NRXN1: variants seen among roughly 807,000 people sequenced by gnomAD.
NRXN1 encodes the protein neurexin 1.
NRXN1 carries 39 observed loss-of-function variants against 150.9 expected under a neutral mutation model. The ratio of observed to expected loss-of-function variants is 0.26; its 90% confidence interval spans 0.20 to 0.34. The LOEUF is 0.34. Among genes scored for constraint, NRXN1 ranks in the 10% least tolerant of loss-of-function variants. NRXN1 has a pLI of 1.00. For synonymous variants in NRXN1, 924 were observed against 757.0 expected (o/e 1.22, Z -3.62); for missense variants, 1,815 against 1,949.9 (o/e 0.93, Z 1.30).
chr2:50,805,129 T>G (rs1667343329), intron 5 of NRXN1, among the ~76,000 whole-genome samples: 1 of 152,092 alleles, frequency 6.6e-6, no homozygotes, highest in South Asian at 2.1e-4. Context: ...AATATATGTG[T>G]TAGCTGTTAT....
chr2:50,626,268 T>A (rs988114804), intron 5 of NRXN1, among the ~76,000 whole-genome samples: 2 of 150,660 alleles, frequency 1.3e-5, no homozygotes, highest in African/African-American at 2.4e-5. Flanking sequence ...TCAAAAAATT[T>A]AAAAAAACAG....
chr2:50,768,896 G>GAAC (rs552891524), intron 5 of NRXN1, among the ~76,000 whole-genome samples: 363 of 150,470 alleles, frequency 2.4e-3, no homozygotes, highest in Admixed American at 4.8e-3. Flanking sequence ...CAACCACCAC[G>GAAC]AACAACAACA....
intron 18 of NRXN1, among the ~76,000 whole-genome samples, chr2:50,117,225 A>G (rs1310987894): frequency 6.6e-6 from 1 of 152,200 alleles, no homozygotes; most frequent in East Asian, 1.9e-4. Flanking sequence ...ATTGAGGGCC[A>G]TAAAATAATA....
chr2:50,641,335 T>A (rs567561485), intron 5 of NRXN1, among the ~76,000 whole-genome samples: 1 of 152,126 alleles, frequency 6.6e-6, no homozygotes, highest in Non-Finnish European at 1.5e-5. Context: ...CATGTTGGAC[T>A]AATTAAAAAG....
intron 5 of NRXN1, among the ~76,000 whole-genome samples, chr2:50,878,417 C>A (rs1306493588): frequency 6.6e-6 from 1 of 151,196 alleles, no homozygotes; most frequent in Non-Finnish European, 1.5e-5. Flanking sequence ...GAGCCTGACA[C>A]CAGAAGGCCC....
chr2:50,472,187 C>T, intron 16 of NRXN1, 111 bp downstream of exon 16: 3 of 878,172 alleles, frequency 3.4e-6, no homozygotes, highest in South Asian at 3.4e-5. Context: ...ATGTCTAAGC[C>T]CAAATTGGGT....
chr2:50,856,844 G>A (rs944452231), intron 5 of NRXN1, among the ~76,000 whole-genome samples: 1 of 152,132 alleles, frequency 6.6e-6, no homozygotes, highest in Non-Finnish European at 1.5e-5. Context: ...TCCCATGTAG[G>A]AATCCCTATG....
intron 5 of NRXN1, among the ~76,000 whole-genome samples, chr2:50,686,338 C>T (rs559567065): frequency 3.9e-5 from 6 of 152,154 alleles, no homozygotes; most frequent in South Asian, 2.1e-4. Flanking sequence ...AAACAGTTGA[C>T]GTTGCAACCA....
intron 18 of NRXN1, among the ~76,000 whole-genome samples, chr2:50,204,221 A>T (rs2062398756): frequency 6.6e-6 from 1 of 152,118 alleles, no homozygotes; most frequent in Non-Finnish European, 1.5e-5. Context: ...TGAAGTTAAA[A>T]TTTGAAAGAA....
chr2:50,847,423 T>C (rs1442319694), intron 5 of NRXN1, among the ~76,000 whole-genome samples: 2 of 151,862 alleles, frequency 1.3e-5, no homozygotes, highest in South Asian at 2.1e-4. Context: ...GGGGAAACAA[T>C]ACTGGAGTGC....
At chr2:50,455,548 C>A (rs1264956029) in intron 17 of NRXN1, among the ~76,000 whole-genome samples, 1 of 152,148 alleles carries the variant, frequency 6.6e-6, no homozygotes, top group Non-Finnish European at 1.5e-5. Context: ...AAGAAATGTG[C>A]CTGACACACC....
chr2:50,418,619 A>C (rs1273710507), intron 17 of NRXN1, among the ~76,000 whole-genome samples: 1 of 152,064 alleles, frequency 6.6e-6, no homozygotes, highest in Admixed American at 6.6e-5. Context: ...TTTTCATTAA[A>C]AGCAAATTTT....
intron 5 of NRXN1, among the ~76,000 whole-genome samples, chr2:50,683,646 A>AAAAAAAATATATATATATATAT: frequency 6.7e-5 from 1 of 14,904 alleles, no homozygotes; most frequent in East Asian, 3.8e-3. Flanking sequence ...AAAAAAAAAA[A>AAAAAAAATATATATATATATAT]ATATATATAT....
chr2:50,698,481 T>G (rs537332503), intron 5 of NRXN1, among the ~76,000 whole-genome samples: 5 of 152,346 alleles, frequency 3.3e-5, no homozygotes, highest in Admixed American at 3.3e-4. Context: ...TAATTATTTT[T>G]CATAAAAGTA....
intron 5 of NRXN1, among the ~76,000 whole-genome samples, chr2:50,770,588 A>G (rs896295401): frequency 6.6e-6 from 1 of 152,126 alleles, no homozygotes; most frequent in Non-Finnish European, 1.5e-5. Flanking sequence ...GCTGGAGCAT[A>G]AAATGCAAAT....
chr2:50,988,288 T>C (rs1338678196), intron 2 of NRXN1, among the ~76,000 whole-genome samples: 3 of 151,976 alleles, frequency 2.0e-5, no homozygotes, highest in Non-Finnish European at 4.4e-5. Context: ...TATTAACTCA[T>C]CTAGTAAAGT....
chr2:50,100,842 T>C (rs1255451119), intron 18 of NRXN1, among the ~76,000 whole-genome samples: 2 of 152,098 alleles, frequency 1.3e-5, no homozygotes, highest in Non-Finnish European at 2.9e-5. Context: ...GTAAAGAATG[T>C]CTTTTATTAT....
intron 17 of NRXN1, among the ~76,000 whole-genome samples, chr2:50,272,397 T>A (rs2069811201): frequency 6.6e-6 from 1 of 152,166 alleles, no homozygotes; most frequent in Non-Finnish European, 1.5e-5. Flanking sequence ...CACTACTATA[T>A]TAGCATTCAA....
At chr2:50,307,969 T>C (rs2074791756) in intron 17 of NRXN1, among the ~76,000 whole-genome samples, 1 of 152,212 alleles carries the variant, frequency 6.6e-6, no homozygotes, top group Non-Finnish European at 1.5e-5. Flanking sequence ...CTTTTAAAAA[T>C]TGTACGTATT....
Sources: allele counts gnomAD v4.1 joint callset (sites outside exome capture counted in the v4.1 genomes callset), GRCh38; gene constraint gnomAD v4.1.1; transcripts MANE v1.5; gene names NCBI Gene and HGNC (gene_info 2026-07-23, HGNC 2026-07-21).